The following SMG9 variants were observed in gnomAD, a reference collection of about 807,000 sequenced individuals.
SMG9 encodes the protein SMG9 nonsense mediated mRNA decay factor.
In SMG9, 55 loss-of-function variants were observed where a neutral mutation model predicts 64.0. That is an observed-to-expected ratio of 0.86 (90% CI 0.69 to 1.08). The LOEUF is 1.08. Ranked by LOEUF, SMG9 falls within the 50% of genes least tolerant of loss-of-function variation. The pLI is 0.00. For synonymous variants in SMG9, 244 were observed against 254.8 expected (o/e 0.96, Z 0.41); for missense variants, 554 against 681.3 (o/e 0.81, Z 2.08).
chr19:43,740,278 C>A, intron 6 of SMG9, 60 bp from the exon 7 acceptor site: 1 of 1,182,626 alleles, frequency 8.5e-7, no homozygotes, highest in Non-Finnish European at 1.3e-6. Context: ...TGGATGCATC[C>A]GAAGTGTGAC....
At chr19:43,740,357 CAG>C (rs967056698) in intron 6 of SMG9, 139 bp from the exon 7 acceptor site, 15 of 685,132 alleles carry the variant, frequency 2.2e-5, no homozygotes, top group Non-Finnish European at 3.9e-5. Flanking sequence ...TGGCCCATGT[CAG>C]GGGGTGGGAG....
rs1344757961 is a variant in SMG9 at position 43,747,869 on chromosome 19, G to A, written c.254C>T (p.Pro85Leu). ...RSKQPPPPTA[P>L]AAPPAPAPLE... ...AGGGGCTGGAGCAGGCGGGGCAGCA[G>A]GGGCTGTTGGAGGTGGTGGCTGTTT... The change falls in exon 4 of 14, where the codon CCT becomes CTT. Residue 85 changes from proline (P) to leucine (L), a missense_variant. Physicochemically the swap from Pro to Leu is moderately conservative, Grantham distance 98. Transcript: ENST00000270066. 1 of 1,609,806 alleles carries A rather than the reference G, an allele frequency of 6.2e-7. No homozygotes were observed. The highest frequency in any genetic ancestry group is 1.3e-5 in the African/African-American group (1 of 75,034).
intron 2 of SMG9, 104 bp downstream of exon 2, chr19:43,750,488 T>G: frequency 7.3e-7 from 1 of 1,360,932 alleles, no homozygotes; most frequent in Middle Eastern, 2.3e-4. Context: ...GTGGTAGGTT[T>G]TGTTTACAAA....
Position 43,744,767 on chromosome 19 carries a change from C to T in SMG9, c.701+5G>A. 1 of 1,610,886 alleles carries T rather than the reference C, an allele frequency of 6.2e-7. No individual in the cohort carries two copies. On this transcript the variant is annotated splice_donor_5th_base_variant and intron_variant, in intron 6 of 13. Transcript: ENST00000270066. ...CCTCCTGCACCCTATCTGATAGCCC[C>T]TCACCTCTGGTCCTCCTCTGGAGTG...
rs375179369 is a variant in SMG9, at chr19:43,738,220, G to A, written c.814-3C>T. On this transcript the variant is annotated splice_region_variant and splice_polypyrimidine_tract_variant and intron_variant, in intron 7 of 13. Coordinates refer to ENST00000270066, the MANE Select transcript of SMG9 (RefSeq NM_019108.4). ...AGGATAGAAGGGCTCAGGATGGGCT[G>A]CAGCAAGGAAGAGAACAGAGTGTCA... is the stretch of plus-strand genomic sequence containing the variant. 4.3e-6 allele frequency: 7 copies of A among 1,613,660 alleles called. No homozygotes were observed. The African/African-American group carries it at 6.7e-5, about 15-fold the overall frequency.
intron 6 of SMG9, among the ~76,000 whole-genome samples, chr19:43,743,534 A>G (rs1196468579): frequency 6.6e-6 from 1 of 152,142 alleles, no homozygotes; most frequent in East Asian, 1.9e-4. Flanking sequence ...GGTGGCTCAC[A>G]CCTGTAATCC....
At chr19:43,733,895 TGCTGGGGACC>T in intron 10 of SMG9, 162 bp from the exon 11 acceptor site, 1 of 610,452 alleles carries the variant, frequency 1.6e-6, no homozygotes, top group Non-Finnish European at 2.9e-6. Context: ...TGTAGGGCAA[TGCTGGGGACC>T]CAGAAGTGAG....
chr19:43,752,722 A>G (rs144205680), intron 1 of SMG9, among the ~76,000 whole-genome samples: 31 of 152,104 alleles, frequency 2.0e-4, no homozygotes, highest in Admixed American at 1.3e-3. Context: ...ACATAGCAAG[A>G]TCCTGTCTCT....
In SMG9 at chr19:43,728,810, G is replaced by A. The variant is rs898175367; in HGVS notation, c.*2786C>T. ...GCTCCAGTGTAGAAGCTGATTGAGC[G>A]GTGCTCATGTTTCCTGCAGTGGAGG... On this transcript the variant is annotated 3_prime_UTR_variant, in exon 14 of 14. Transcript: ENST00000270066. 5.9e-5 allele frequency: 11 copies of A among 185,812 alleles called. No individual in the cohort carries two copies. The highest frequency in any genetic ancestry group is 1.1e-4 in the Non-Finnish European group (11 of 98,796). The allele number at this position is 185,812 out of a possible 1,614,324, so 11.5% of individuals were successfully genotyped here. A position where few individuals can be genotyped will look rare whatever the true frequency, so the allele number is the denominator to read the frequency against.
chr19:43,747,568 G>A, intron 4 of SMG9, 29 bp from the exon 5 acceptor site: 1 of 1,614,172 alleles, frequency 6.2e-7, no homozygotes. Context: ...AGGAGACAGA[G>A]GATGCAGTGA....
intron 11 of SMG9, 74 bp downstream of exon 11, chr19:43,733,552 T>C: frequency 6.2e-7 from 1 of 1,605,564 alleles, no homozygotes; most frequent in South Asian, 1.1e-5. Flanking sequence ...AGTCTGGGGG[T>C]AGAGACTGAC....
At position 43,748,083 on chromosome 19, in the gene SMG9, T is replaced by C. The variant is rs780875942; in HGVS notation, c.151-31A>G. 37 of 1,587,306 alleles carry C rather than the reference T, an allele frequency of 2.3e-5. No individual in the cohort carries two copies. The Middle Eastern group carries it at 5.1e-4, about 22-fold the overall frequency. Reference sequence around the variant, plus strand: ...GTGAGGGAGGGCAGTTACTCATGAATGGCTCTCCTGGACATTCCAGATCTT... The same window carrying C: ...GTGAGGGAGGGCAGTTACTCATGAACGGCTCTCCTGGACATTCCAGATCTT... On this transcript the variant is annotated intron_variant, in intron 2 of 13. Coordinates refer to ENST00000270066, the MANE Select transcript of SMG9 (RefSeq NM_019108.4).
chr19:43,739,897 G>T, intron 7 of SMG9: 1 of 577,626 alleles, frequency 1.7e-6, no homozygotes, highest in Non-Finnish European at 3.1e-6. Context: ...AATCCTTTAG[G>T]CTACTGTGTA....
chr19:43,741,205 G>A (rs953349274), intron 6 of SMG9, among the ~76,000 whole-genome samples: 2 of 152,254 alleles, frequency 1.3e-5, no homozygotes, highest in African/African-American at 4.8e-5. Context: ...TCCAAGTGCA[G>A]ATTGCTTAGT....
At chr19:43,749,819 C>T (rs117917713) in intron 2 of SMG9, among the ~76,000 whole-genome samples, 3,826 of 152,288 alleles carry the variant, frequency 0.025, 49 homozygotes, top group Non-Finnish European at 0.029. Flanking sequence ...GCAGGCAGAG[C>T]GATGCTATAT....
intron 7 of SMG9, 77 bp downstream of exon 7, chr19:43,740,030 T>G: frequency 9.6e-7 from 1 of 1,040,000 alleles, no homozygotes; most frequent in East Asian, 2.4e-5. Context: ...CACGCAGGGT[T>G]CTGGCTTAAT....
At position 43,733,435 on chromosome 19, in the gene SMG9, G is replaced by T; in HGVS notation, c.1228C>A (p.Gln410Lys). 6.2e-7 allele frequency: 1 copy of T among 1,614,044 alleles called. No homozygotes were observed. The highest frequency in any genetic ancestry group is 8.5e-7 in the Non-Finnish European group (1 of 1,180,030). Reference protein sequence around the residue: ...LRYKGTLSMLQCNVFPGLPPD... With the variant: ...LRYKGTLSMLKCNVFPGLPPD... ...GGAAGCCCCGGGAAGACATTGCATT[G>T]TAACATGGACAGAGTTCCTGGAGGA... is the stretch of plus-strand genomic sequence containing the variant. The change falls in exon 12 of 14, where the codon CAA (glutamine) becomes AAA (lysine). Residue 410 changes from glutamine to lysine, a missense_variant. Coordinates refer to ENST00000270066, the MANE Select transcript of SMG9 (RefSeq NM_019108.4).
At position 43,732,781 on chromosome 19, in the gene SMG9, C is replaced by T. The variant is rs1350466262; in HGVS notation, c.1484+77G>A. 7.7e-6 allele frequency: 12 copies of T among 1,566,362 alleles called. No individual in the cohort carries two copies. The African/African-American group carries it at 1.1e-4, about 14-fold the overall frequency. ...GAGGAGGGGCTTCACAAGGTCATGCCGATCTAAGGGACGCCCCCTTCTCTC... is the reference window on the plus strand; with the variant it reads ...GAGGAGGGGCTTCACAAGGTCATGCTGATCTAAGGGACGCCCCCTTCTCTC... On this transcript the variant is annotated intron_variant, in intron 13 of 13. Coordinates refer to ENST00000270066, the MANE Select transcript of SMG9 (RefSeq NM_019108.4).
intron 13 of SMG9, among the ~76,000 whole-genome samples, chr19:43,731,965 T>G (rs1479091909): frequency 6.6e-6 from 1 of 152,248 alleles, no homozygotes; most frequent in Non-Finnish European, 1.5e-5. Context: ...GTGCTGGCTT[T>G]GTGGGTGAGG....
Sources: allele counts gnomAD v4.1 joint callset (sites outside exome capture counted in the v4.1 genomes callset), GRCh38; gene constraint gnomAD v4.1.1; transcripts MANE v1.5; gene names NCBI Gene and HGNC (gene_info 2026-07-23, HGNC 2026-07-21).